CFTR: variants seen among roughly 807,000 people sequenced by gnomAD.
CFTR encodes cystic fibrosis transmembrane conductance regulator.
CFTR carries 181 observed loss-of-function variants against 171.6 expected under a neutral mutation model. That is an observed-to-expected ratio of 1.05 (90% CI 0.93 to 1.19). The LOEUF is 1.19. Among genes scored for constraint, CFTR ranks in the 50% most tolerant of loss-of-function variants. The pLI is 0.00. For missense variants in CFTR, 1,968 were observed against 1,734.7 expected (o/e 1.13, Z -2.39); for synonymous variants, 583 against 608.0 (o/e 0.96, Z 0.60).
intron 1 of CFTR, among the ~76,000 whole-genome samples, chr7:117,494,324 G>A (rs34231750): frequency 6.6e-6 from 1 of 151,958 alleles, no homozygotes; most frequent in Admixed American, 6.6e-5. Context: ...TTAATAAATA[G>A]TGGTTTTTCT....
chr7:117,665,809 G>A (rs571244878), intron 26 of CFTR, among the ~76,000 whole-genome samples: 4 of 152,250 alleles, frequency 2.6e-5, no homozygotes, highest in South Asian at 4.1e-4. Flanking sequence ...TTTATAAATA[G>A]GATATATATA....
chr7:117,523,174 T>A (rs1798710411), intron 3 of CFTR, among the ~76,000 whole-genome samples: 1 of 152,078 alleles, frequency 6.6e-6, no homozygotes, highest in South Asian at 2.1e-4. Context: ...ACAAACTCAG[T>A]AATGACATGT....
intron 24 of CFTR, 101 bp from the exon 25 acceptor site, chr7:117,664,587 G>A (rs1160598065): frequency 3.5e-6 from 4 of 1,138,768 alleles, no homozygotes; most frequent in Non-Finnish European, 5.3e-6. Context: ...GGATTGGTAT[G>A]AAAAACATAA....
Position 117,654,073 on chromosome 7 carries a change from C to G in CFTR, c.3963+1142C>G, listed in dbSNP as rs34518775. Among the ~76,000 whole-genome samples the G allele has an allele frequency of 2.9e-3, 444 of 152,306 alleles. 2 individuals are homozygous for G. The highest frequency in any genetic ancestry group is 8.6e-3 in the African/African-American group (356 of 41,572). On this transcript the variant is annotated intron_variant, in intron 24 of 26. Transcript: ENST00000003084. ...ACTGGGGTGGTGTCTTACCTCTGGA[C>G]ACACTGGGGTGGAGGCTCTATCCTC...
intron 2 of CFTR, among the ~76,000 whole-genome samples, chr7:117,504,793 C>T (rs1798389240): frequency 6.7e-6 from 1 of 149,454 alleles, no homozygotes; most frequent in Non-Finnish European, 1.5e-5. Flanking sequence ...CATTTTCACA[C>T]TGAAATGTTG....
intron 24 of CFTR, among the ~76,000 whole-genome samples, chr7:117,662,344 T>G (rs1489885787): frequency 1.3e-5 from 2 of 152,136 alleles, no homozygotes; most frequent in Non-Finnish European, 2.9e-5. Context: ...AAGAGCACGT[T>G]TTTACCCTCA....
At chr7:117,629,458 A>G (rs924317976) in intron 22 of CFTR, among the ~76,000 whole-genome samples, 2 of 152,236 alleles carry the variant, frequency 1.3e-5, no homozygotes, top group African/African-American at 4.8e-5. Flanking sequence ...GCAGAAACAA[A>G]GAACAATAAG....
At chr7:117,564,300 G>T (rs1791564349) in intron 11 of CFTR, among the ~76,000 whole-genome samples, 1 of 152,200 alleles carries the variant, frequency 6.6e-6, no homozygotes. Context: ...AACTGAAAGT[G>T]CTCGGTTATC....
chr7:117,641,640 G>A (rs1792915354), intron 22 of CFTR, among the ~76,000 whole-genome samples: 1 of 152,046 alleles, frequency 6.6e-6, no homozygotes, highest in South Asian at 2.1e-4. Context: ...CTCAAGTTCT[G>A]GCATCTAAGC....
chr7:117,611,763 G>A lies in CFTR; in HGVS notation c.3322G>A (p.Val1108Ile). The A allele has an allele frequency of 6.2e-7, 1 of 1,613,194 alleles. No homozygotes were observed. The highest frequency in any genetic ancestry group is 2.2e-5 in the East Asian group (1 of 44,850). Residue 1108 changes from valine (V) to isoleucine (I), a missense_variant, in exon 20 of 27, where the codon GTC becomes ATC. By Grantham distance (29) the Val-to-Ile change is conservative (BLOSUM62 3). Transcript: ENST00000003084. ...CCAAATGAGAATAGAAATGATTTTT[G>A]TCATCTTCTTCATTGCTGTTACCTT... is the stretch of plus-strand genomic sequence containing the variant. ...WFQMRIEMIF[V>I]IFFIAVTFIS...
intron 15 of CFTR, among the ~76,000 whole-genome samples, chr7:117,596,309 G>T (rs1584814501): frequency 6.6e-6 from 1 of 152,234 alleles, no homozygotes; most frequent in South Asian, 2.1e-4. Context: ...TGCTGTACTC[G>T]ATTTCTCACT....
Position 117,618,342 on chromosome 7 carries a change from A to G in CFTR, c.3468+3629A>G, listed in dbSNP as rs186846018. 1.2e-4 allele frequency among the ~76,000 whole-genome samples: 19 copies of G among 152,078 alleles called. No individual in the cohort carries two copies. The East Asian group carries it at 3.7e-3, about 29-fold the overall frequency. ...CATCTCTCCTAAAAATACAAAAATTACCTGGCCGTGGTGGCATGCACCCAG... is the reference window on the plus strand; with the variant it reads ...CATCTCTCCTAAAAATACAAAAATTGCCTGGCCGTGGTGGCATGCACCCAG... On this transcript the variant is annotated intron_variant, in intron 21 of 26. Transcript: ENST00000003084.
intron 20 of CFTR, among the ~76,000 whole-genome samples, chr7:117,612,043 A>ATATATATATATG (rs1792412030): frequency 8.3e-5 from 6 of 72,252 alleles, no homozygotes; most frequent in Non-Finnish European, 1.4e-4. Flanking sequence ...ATATATATAT[A>ATATATATATATG]TATATATATA....
At chr7:117,597,466 C>T (rs1231028109) in intron 15 of CFTR, among the ~76,000 whole-genome samples, 1 of 152,140 alleles carries the variant, frequency 6.6e-6, no homozygotes, top group Non-Finnish European at 1.5e-5. Context: ...TGTCTTGGGC[C>T]ACACATAAAA....
intron 15 of CFTR, among the ~76,000 whole-genome samples, chr7:117,601,257 A>G (rs1041508927): frequency 3.3e-5 from 5 of 152,100 alleles, no homozygotes; most frequent in Non-Finnish European, 4.4e-5. Context: ...GTGCTAGAAC[A>G]AAGACTTTTG....
chr7:117,576,300 T>A (rs1056761810), intron 11 of CFTR, among the ~76,000 whole-genome samples: 16 of 152,276 alleles, frequency 1.1e-4, no homozygotes, highest in Admixed American at 9.2e-4. Context: ...AGCGTCAGAA[T>A]TGAACATGTA....
chr7:117,558,645 T>C (rs1300405054), intron 10 of CFTR, among the ~76,000 whole-genome samples: 1 of 152,150 alleles, frequency 6.6e-6, no homozygotes, highest in Non-Finnish European at 1.5e-5. Flanking sequence ...TTTTAGTCAG[T>C]AGTATTATCT....
At chr7:117,481,784 T>A (rs1025303395) in intron 1 of CFTR, among the ~76,000 whole-genome samples, 2 of 152,206 alleles carry the variant, frequency 1.3e-5, no homozygotes, top group Non-Finnish European at 2.9e-5. Context: ...ATTCTAAAAG[T>A]GTAAAAAACA....
chr7:117,666,602 C>A (rs879513243), intron 26 of CFTR, among the ~76,000 whole-genome samples: 21 of 152,242 alleles, frequency 1.4e-4, no homozygotes, highest in Admixed American at 2.0e-4. Flanking sequence ...GACTTACGCT[C>A]ATTTTCTAGG....
Sources: allele counts gnomAD v4.1 joint callset (sites outside exome capture counted in the v4.1 genomes callset), GRCh38; gene constraint gnomAD v4.1.1; transcripts MANE v1.5; gene names NCBI Gene and HGNC (gene_info 2026-07-23, HGNC 2026-07-21).